KDM2B: variants seen among roughly 807,000 people sequenced by gnomAD.
KDM2B encodes lysine demethylase 2B, also known as lysine-specific demethylase 2B.
In KDM2B, 26 loss-of-function variants were observed where a neutral mutation model predicts 150.0. The ratio of observed to expected loss-of-function variants is 0.17; its 90% CI spans 0.13 to 0.24. The LOEUF is 0.24. Ranked by LOEUF, KDM2B falls within the 10% of genes least tolerant of loss-of-function variation. The pLI, the probability that KDM2B is intolerant of heterozygous loss-of-function variation, is 1.00. For synonymous variants in KDM2B, 734 were observed against 729.5 expected, an observed-to-expected ratio of 1.01 and a Z score of -0.10; for missense variants, 1,265 against 1,816.9, an observed-to-expected ratio of 0.70 and a Z score of 5.52.
chr12:121,541,913 A>G (rs1888641204), intron 6 of KDM2B, among the ~76,000 whole-genome samples: 1 of 152,164 alleles, frequency 6.6e-6, no homozygotes, highest in Non-Finnish European at 1.5e-5. Context: ...TAAGTGAAAA[A>G]GGTGAGCCCA....
intron 12 of KDM2B, among the ~76,000 whole-genome samples, chr12:121,455,307 C>G (rs1417047323): frequency 6.6e-6 from 1 of 152,238 alleles, no homozygotes; most frequent in African/African-American, 2.4e-5. Flanking sequence ...GCCCTCTGCT[C>G]TGGGGCAGCC....
At chr12:121,441,029 A>AC in intron 20 of KDM2B, 41 bp downstream of exon 20, 30 of 1,612,726 alleles carry the variant, frequency 1.9e-5, no homozygotes, top group Non-Finnish European at 2.5e-5. Flanking sequence ...CCCAGCCCTC[A>AC]CTGCAGCAGA....
At chr12:121,444,574 G>GAGAAGATGGCCCACGGGCAC (rs1875809507) in intron 14 of KDM2B, 38 bp from the exon 15 acceptor site, 6 of 1,573,370 alleles carry the variant, frequency 3.8e-6, no homozygotes, top group Non-Finnish European at 5.2e-6. Context: ...GGGACGGGCG[G>GAGAAGATGGCCCACGGGCAC]AGAAGATGGC....
chr12:121,551,009 T>A (rs530049027), intron 4 of KDM2B, among the ~76,000 whole-genome samples: 15 of 150,736 alleles, frequency 1.0e-4, no homozygotes, highest in Non-Finnish European at 2.1e-4. Flanking sequence ...ATGGCAGAGC[T>A]AAGTAGTTGC....
At chr12:121,422,061 G>A in the KDM2B span, among the ~76,000 whole-genome samples, 1 of 152,224 alleles carries the variant, frequency 6.6e-6, no homozygotes, top group Non-Finnish European at 1.5e-5. Context: ...CTGGCAGTGA[G>A]GGGAGAAGTC....
Position 121,435,286 on chromosome 12 carries a change from G to A in KDM2B, c.3829+4571C>T, listed in dbSNP as rs1416348859. 9.9e-5 allele frequency among the ~76,000 whole-genome samples: 15 copies of A among 152,166 alleles called. 1 individual carries two copies. Among genetic ancestry groups the A allele is most frequent in the Non-Finnish European group, 7.3e-5 (5 of 68,038 alleles). On this transcript the variant is annotated intron_variant, in intron 22 of 22. Transcript: ENST00000377071. ...GCTAAGGTGGTCCATTTTATATTATGTATTATTTTACTACAACATAATTAT... is the reference window on the plus strand; with the variant it reads ...GCTAAGGTGGTCCATTTTATATTATATATTATTTTACTACAACATAATTAT...
intron 13 of KDM2B, 58 bp from the exon 14 acceptor site, chr12:121,445,476 G>T: frequency 6.6e-7 from 1 of 1,510,620 alleles, no homozygotes; most frequent in Non-Finnish European, 8.9e-7. Context: ...GGACCCCCAG[G>T]GGGGCCAGTT....
chr12:121,444,864 A>G, intron 14 of KDM2B: 1 of 453,350 alleles, frequency 2.2e-6, no homozygotes, highest in Non-Finnish European at 4.1e-6. Context: ...CCATGAGCTC[A>G]GCGCCTGGCA....
chr12:121,565,915 C>T (rs551898616), intron 4 of KDM2B, among the ~76,000 whole-genome samples: 46 of 151,812 alleles, frequency 3.0e-4, no homozygotes, highest in South Asian at 6.2e-4. Context: ...ATGTGAGCCA[C>T]CGTGCCCGGC....
the KDM2B span, chr12:121,415,440 G>T: frequency 5.2e-6 from 1 of 191,848 alleles, no homozygotes; most frequent in African/African-American, 2.3e-5. Flanking sequence ...GGACAACATG[G>T]TGAAACCCAA....
intron 6 of KDM2B, chr12:121,536,204 C>T: frequency 1.8e-6 from 1 of 552,100 alleles, no homozygotes. Flanking sequence ...TTTTGCACCT[C>T]GCTTTCAGGT....
intron 11 of KDM2B, among the ~76,000 whole-genome samples, chr12:121,499,657 A>C (rs1196744176): frequency 6.6e-6 from 1 of 151,858 alleles, no homozygotes; most frequent in Admixed American, 6.6e-5. Context: ...GTCTCTAAAT[A>C]ATAATAATGG....
intron 12 of KDM2B, among the ~76,000 whole-genome samples, chr12:121,477,006 C>T (rs1259365143): frequency 6.6e-6 from 1 of 152,170 alleles, no homozygotes; most frequent in African/African-American, 2.4e-5. Flanking sequence ...TGCCAAACAT[C>T]GCCAGCTAAT....
intron 13 of KDM2B, among the ~76,000 whole-genome samples, chr12:121,446,132 A>G (rs544077735): frequency 2.6e-5 from 4 of 152,218 alleles, no homozygotes; most frequent in African/African-American, 9.6e-5. Context: ...GCGGTGGCTC[A>G]CGCCTGTAAT....
At chr12:121,414,892 G>A in the KDM2B span, among the ~76,000 whole-genome samples, 2 of 152,306 alleles carry the variant, frequency 1.3e-5, no homozygotes, top group African/African-American at 2.4e-5. Flanking sequence ...TCAGGAGTTC[G>A]AGACCAGCCA....
Position 121,549,644 on chromosome 12 carries a change from G to A in KDM2B, c.398-6C>T, listed in dbSNP as rs782820651. ...GTCCACAAGCCGCCGGCTCCCTGGA[G>A]GCAGAAGCCACACACTGGTTGTTCC... is the stretch of plus-strand genomic sequence containing the variant. On this transcript the variant is annotated splice_polypyrimidine_tract_variant and splice_region_variant and intron_variant, in intron 4 of 22. Coordinates refer to ENST00000377071, the MANE Select transcript of KDM2B (RefSeq NM_032590.5). The surrounding 1 kb of genome is among the most constrained non-coding windows in gnomAD (Gnocchi z 4.4). 1 of 1,567,094 alleles carries A rather than the reference G, an allele frequency of 6.4e-7. No individual in the cohort carries two copies. The highest frequency in any genetic ancestry group is 1.7e-5 in the Admixed American group (1 of 57,404).
In KDM2B at chr12:121,444,058, T is replaced by G. The variant is rs1555289379; in HGVS notation, c.2405A>C (p.Lys802Thr). 6.2e-7 allele frequency: 1 copy of G among 1,613,856 alleles called. No homozygotes were observed. ...CTGGGGCTTCTCGTATTTCCGCTTC[T>G]TCCTCAGGTGCACGTCGTCAGACTT... is the stretch of plus-strand genomic sequence containing the variant. ...RRKSDDVHLR[K>T]KRKYEKPQEL... is the part of the protein sequence containing the mutation. Residue 802 changes from lysine (K) to threonine (T), a missense_variant, in exon 16 of 23, where the codon AAG (lysine) becomes ACG (threonine). Coordinates refer to ENST00000377071, the MANE Select transcript of KDM2B (RefSeq NM_032590.5).
Position 121,435,037 on chromosome 12 carries a change from G to GAAA in KDM2B, c.3830-4571_3830-4569dup, listed in dbSNP as rs113742352. ...ACACCAAAATCACAGCCAACAAAGG[G>GAAA]AAAAAAAAAAAAAAGGCCAGGTGCA... is the stretch of plus-strand genomic sequence containing the variant. On this transcript the variant is annotated intron_variant, in intron 22 of 22. Transcript: ENST00000377071. Among the ~76,000 whole-genome samples the GAAA allele has an allele frequency of 2.3e-3, 315 of 139,322 alleles. 6 individuals are homozygous for GAAA. In the East Asian group the frequency reaches 0.03, roughly 13 times the overall value. The allele number at this position is 139,322 out of a possible 152,430, so 91.4% of individuals were successfully genotyped here. A position where few individuals can be genotyped will look rare whatever the true frequency, so the allele number is the denominator to read the frequency against.
the KDM2B span, among the ~76,000 whole-genome samples, chr12:121,416,990 A>G: frequency 1.3e-5 from 2 of 152,202 alleles, no homozygotes; most frequent in African/African-American, 4.8e-5. Context: ...AAGCTTCTCT[A>G]GTGGCAAGGC....
Sources: allele counts gnomAD v4.1 joint callset (sites outside exome capture counted in the v4.1 genomes callset), GRCh38; gene constraint gnomAD v4.1.1; non-coding constraint Gnocchi (gnomAD v3.1); transcripts MANE v1.5; gene names NCBI Gene and HGNC (gene_info 2026-07-23, HGNC 2026-07-21).